Variants in ANKS1A observed in about 807,000 individuals in gnomAD.
The protein encoded by ANKS1A is ankyrin repeat and SAM domain-containing protein 1A.
A neutral mutation model predicts 120.3 loss-of-function variants in ANKS1A; 55 were observed. The ratio of observed to expected loss-of-function variants is 0.46; its 90% CI spans 0.37 to 0.57. The LOEUF is 0.57. Ranked by LOEUF, ANKS1A falls within the 20% of genes least tolerant of loss-of-function variation. The pLI, the probability that ANKS1A is intolerant of heterozygous loss-of-function variation, is 0.00. For synonymous variants in ANKS1A, 590 were observed against 604.7 expected, an observed-to-expected ratio of 0.98 and a Z score of 0.36; for missense variants, 1,123 against 1,480.3, an observed-to-expected ratio of 0.76 and a Z score of 3.96.
rs759905942 is a variant in ANKS1A at position 34,983,176 on chromosome 6, C to T, written c.872C>T (p.Pro291Leu). The T allele has an allele frequency of 1.2e-6, 2 of 1,614,176 alleles. No individual in the cohort carries two copies. The highest frequency in any genetic ancestry group is 4.5e-5 in the East Asian group (2 of 44,892). The change falls in exon 6 of 24, where the codon CCT becomes CTT. Residue 291 changes from proline (P) to leucine (L), a missense_variant. By Grantham distance (98) the Pro-to-Leu change is moderately conservative (BLOSUM62 -3). This residue lies in a region of ANKS1A where 904 missense variants were observed against 1,130.4 expected (regional missense o/e 0.80). Transcript: ENST00000360359. ...GCCCTAGACACTGTTCGGGAACTGC[C>T]TTCTCAAAAGAGCCAGCAAATAGCA... ...LTALDTVREL[P>L]SQKSQQIAAL...
In ANKS1A at chr6:35,086,402, C is replaced by G; in HGVS notation, c.3303+466C>G. 2 of 1,279,970 alleles carry G rather than the reference C, an allele frequency of 1.6e-6. No homozygotes were observed. Among genetic ancestry groups the G allele is most frequent in the Non-Finnish European group, 2.0e-6 (2 of 979,114 alleles). The allele number at this position is 1,279,970 out of a possible 1,614,324, so 79.3% of individuals were successfully genotyped here. A position where few individuals can be genotyped will look rare whatever the true frequency, so the allele number is the denominator to read the frequency against. On this transcript the variant is annotated intron_variant, in intron 22 of 23. Transcript: ENST00000360359. The surrounding 1 kb of genome is among the most constrained non-coding windows in gnomAD (Gnocchi z 5.1). The stretch of plus-strand genomic sequence containing the variant: ...GCCTCCTGCTGTCTTGTGTGTCAGT[C>G]TCCCCGAAGTGACCGTGAGCGCTCT...
chr6:34,930,887 T>C (rs1768945788), intron 1 of ANKS1A, among the ~76,000 whole-genome samples: 1 of 151,768 alleles, frequency 6.6e-6, no homozygotes, highest in Non-Finnish European at 1.5e-5. Flanking sequence ...GTCTTTTTTT[T>C]TTTTTTTGAG....
Position 35,062,077 on chromosome 6 carries a change from A to C in ANKS1A, c.2184+1824A>C, listed in dbSNP as rs139840354. ...GTAGGACTGGAGCAGAGAGCAGCTG[A>C]GCAGGCCTTTGGAGAAGTGTGGCCT... On this transcript the variant is annotated intron_variant, in intron 13 of 23. Transcript: ENST00000360359. Among the ~76,000 whole-genome samples the C allele has an allele frequency of 3.0e-3, 457 of 152,354 alleles. 1 individual carries two copies. Among genetic ancestry groups the C allele is most frequent in the African/African-American group, 9.9e-3 (412 of 41,588 alleles).
intron 1 of ANKS1A, among the ~76,000 whole-genome samples, chr6:34,940,240 C>T (rs1169402606): frequency 6.6e-6 from 1 of 152,220 alleles, no homozygotes; most frequent in Non-Finnish European, 1.5e-5. Context: ...ATTATACACT[C>T]CTTATCTTGC....
intron 11 of ANKS1A, among the ~76,000 whole-genome samples, chr6:35,048,933 C>T (rs141052260): frequency 6.6e-6 from 1 of 152,348 alleles, no homozygotes; most frequent in Non-Finnish European, 1.5e-5. Flanking sequence ...GAGGGTCTGC[C>T]ACTTTGCCCC....
At chr6:34,995,139 C>T (rs904350268) in intron 10 of ANKS1A, among the ~76,000 whole-genome samples, 1 of 152,166 alleles carries the variant, frequency 6.6e-6, no homozygotes, top group African/African-American at 2.4e-5. Flanking sequence ...GGTATTAGGG[C>T]CTTCATGGGG....
chr6:34,940,382 C>T (rs1312739191), intron 1 of ANKS1A, among the ~76,000 whole-genome samples: 1 of 152,088 alleles, frequency 6.6e-6, no homozygotes, highest in African/African-American at 2.4e-5. Flanking sequence ...GGGCAATATA[C>T]TTGGAATGAC....
intron 1 of ANKS1A, among the ~76,000 whole-genome samples, chr6:34,932,644 C>G (rs1351361953): frequency 6.6e-6 from 1 of 152,246 alleles, no homozygotes; most frequent in Non-Finnish European, 1.5e-5. Flanking sequence ...CTCAACCTCC[C>G]AAAGTGCTGG....
chr6:34,985,067 C>G lies in ANKS1A; in HGVS notation c.1013-15C>G. The G allele has an allele frequency of 6.2e-7, 1 of 1,607,022 alleles. No homozygotes were observed. Among genetic ancestry groups the G allele is most frequent in the South Asian group, 1.1e-5 (1 of 89,732 alleles). On this transcript the variant is annotated splice_polypyrimidine_tract_variant and intron_variant, in intron 7 of 23. Transcript: ENST00000360359. ...TCCCCTTCAGTGACTCTCTTGCCCT[C>G]CATCCTCCTCTCAGGTGACGTGGAG...
chr6:35,051,307 G>A lies in ANKS1A; in HGVS notation c.2011-2792G>A, dbSNP rs533498783. 5.3e-5 allele frequency among the ~76,000 whole-genome samples: 8 copies of A among 152,342 alleles called. No individual in the cohort carries two copies. The South Asian group carries it at 1.2e-3, about 24-fold the overall frequency. ...AGAGCAGAGCGGAGAAGCAGCGAGG[G>A]TGCTCAACTCTGTTCACTCTGATGC... is the stretch of plus-strand genomic sequence containing the variant. On this transcript the variant is annotated intron_variant, in intron 11 of 23. Transcript: ENST00000360359.
rs1021072412 is a variant in ANKS1A at position 35,085,280 on chromosome 6, T to A, written c.3133-486T>A. ...AGTGGCATTTACCTGTTGCTGACTTTTCCCACATACACTCAGTTCTGCTGT... is the reference window on the plus strand; with the variant it reads ...AGTGGCATTTACCTGTTGCTGACTTATCCCACATACACTCAGTTCTGCTGT... On this transcript the variant is annotated intron_variant, in intron 21 of 23. Transcript: ENST00000360359. The surrounding 1 kb of genome is among the most constrained non-coding windows in gnomAD (Gnocchi z 4.7). Among the ~76,000 whole-genome samples the A allele has an allele frequency of 6.6e-6, 1 of 152,212 alleles. No homozygotes were observed. Among genetic ancestry groups the A allele is most frequent in the African/African-American group, 2.4e-5 (1 of 41,450 alleles).
intron 11 of ANKS1A, among the ~76,000 whole-genome samples, chr6:35,053,531 T>G (rs1776064222): frequency 1.3e-5 from 2 of 152,260 alleles, no homozygotes; most frequent in Non-Finnish European, 1.5e-5. Context: ...TGGGCCTAAG[T>G]GCCTGCCTCA....
downstream of ANKS1A, among the ~76,000 whole-genome samples, chr6:35,094,729 CA>C (rs1778407266): frequency 6.6e-6 from 1 of 151,954 alleles, no homozygotes; most frequent in African/African-American, 2.4e-5. Flanking sequence ...AGAAATTACC[CA>C]ATCTGAACAA....
chr6:34,911,335 T>G (rs1455299865), intron 1 of ANKS1A, among the ~76,000 whole-genome samples: 1 of 152,186 alleles, frequency 6.6e-6, no homozygotes, highest in Non-Finnish European at 1.5e-5. Flanking sequence ...AATCGGTACT[T>G]TTTGTGAAAT....
intron 1 of ANKS1A, among the ~76,000 whole-genome samples, chr6:34,898,245 T>G (rs2127445134): frequency 6.6e-6 from 1 of 152,318 alleles, no homozygotes; most frequent in East Asian, 1.9e-4. Context: ...CCCAACCTTT[T>G]AAACTATGAA....
downstream of ANKS1A, among the ~76,000 whole-genome samples, chr6:35,094,520 G>C (rs1778401214): frequency 6.6e-6 from 1 of 150,456 alleles, no homozygotes; most frequent in Non-Finnish European, 1.5e-5. Flanking sequence ...GCAGCCATAA[G>C]AAAGTTTCAA....
rs200953717 is a variant in ANKS1A at position 34,903,492 on chromosome 6, TTTTG to T, written c.197+13905_197+13908del. ...GGCATGCACCACCAAGTTTGCCTAATTTTGTTTGTTTGTTTTTTTAAATTGAGAC... is the reference window on the plus strand; with the variant it reads ...GGCATGCACCACCAAGTTTGCCTAATTTTGTTTGTTTTTTTAAATTGAGAC... On this transcript the variant is annotated intron_variant, in intron 1 of 23. Coordinates refer to ENST00000360359, the MANE Select transcript of ANKS1A (RefSeq NM_015245.3). Among the ~76,000 whole-genome samples, 55 of 151,648 alleles carry T rather than the reference TTTTG, an allele frequency of 3.6e-4. No homozygotes were observed. The East Asian group carries it at 7.8e-3, about 22-fold the overall frequency.
At chr6:34,963,198 T>C (rs1054350162) in intron 1 of ANKS1A, among the ~76,000 whole-genome samples, 1 of 152,202 alleles carries the variant, frequency 6.6e-6, no homozygotes, top group African/African-American at 2.4e-5. Flanking sequence ...TTATTAAGTA[T>C]AATTGCCTTA....
intron 10 of ANKS1A, among the ~76,000 whole-genome samples, chr6:35,004,264 A>T (rs910165790): frequency 8.6e-5 from 13 of 151,968 alleles, no homozygotes; most frequent in African/African-American, 3.1e-4. Flanking sequence ...TCCCTTCACT[A>T]TCTTGGTGTC....
Sources: allele counts gnomAD v4.1 joint callset (sites outside exome capture counted in the v4.1 genomes callset), GRCh38; gene constraint gnomAD v4.1.1; regional missense constraint gnomAD v4.1.1; non-coding constraint Gnocchi (gnomAD v3.1); transcripts MANE v1.5; gene names NCBI Gene and HGNC (gene_info 2026-07-23, HGNC 2026-07-21).